Variants in GAD1 observed in about 807,000 individuals in gnomAD.
The protein encoded by GAD1 is glutamate decarboxylase 1.
GAD1 carries 35 observed loss-of-function variants against 75.2 expected under a neutral mutation model. The observed-to-expected ratio is 0.47, with a 90% CI of 0.36 to 0.62. The LOEUF (loss-of-function observed/expected upper bound fraction) is 0.62. Among genes scored for constraint, GAD1 ranks in the 20% least tolerant of loss-of-function variants. The probability of loss-of-function intolerance (pLI) is 0.00; values close to 1 mark genes in which losing one functional copy is unlikely to be tolerated. For synonymous variants in GAD1, 257 were observed against 271.9 expected, an observed-to-expected ratio of 0.95 and a Z score of 0.54; for missense variants, 490 against 758.5, an observed-to-expected ratio of 0.65 and a Z score of 4.16.
intron 6 of GAD1, among the ~76,000 whole-genome samples, chr2:170,840,765 A>G (rs1702500096): frequency 6.6e-6 from 1 of 152,190 alleles, no homozygotes; most frequent in Admixed American, 6.5e-5. Flanking sequence ...ATTTCCATAA[A>G]GCCTCTTTAG....
intron 16 of GAD1, 122 bp from the exon 17 acceptor site, chr2:170,859,587 A>G: frequency 1.0e-6 from 1 of 1,002,546 alleles, no homozygotes; most frequent in South Asian, 1.4e-5. Context: ...CTGGATATGA[A>G]ATATTTCTTT....
chr2:170,859,388 C>G (rs968349276), intron 16 of GAD1, among the ~76,000 whole-genome samples: 7 of 152,148 alleles, frequency 4.6e-5, no homozygotes, highest in African/African-American at 1.7e-4. Context: ...GTGTGCCAGG[C>G]AGTATCCTGG....
Position 170,849,173 on chromosome 2 carries a change from T to C in GAD1, c.1120-113T>C, listed in dbSNP as rs1040307485. The C allele has an allele frequency of 1.0e-5, 9 of 901,936 alleles. No individual in the cohort carries two copies. The African/African-American group carries it at 1.3e-4, about 13-fold the overall frequency. 55.9% of individuals were successfully genotyped at this position (901,936 alleles called of 1,614,324 possible). A position where few individuals can be genotyped will look rare whatever the true frequency, so the allele number is the denominator to read the frequency against. On this transcript the variant is annotated intron_variant, in intron 11 of 16. Transcript: ENST00000358196. ...GGGCTGAACTTTTCTGAGAAACTTATGTTTTTCACCTTGTACTTTCTTGCT... is the reference window on the plus strand; with the variant it reads ...GGGCTGAACTTTTCTGAGAAACTTACGTTTTTCACCTTGTACTTTCTTGCT...
chr2:170,856,645 C>T (rs1053364388), intron 14 of GAD1, among the ~76,000 whole-genome samples: 1 of 152,154 alleles, frequency 6.6e-6, no homozygotes, highest in African/African-American at 2.4e-5. Flanking sequence ...TGTCCAATTG[C>T]CATTAAAGTT....
intron 3 of GAD1, among the ~76,000 whole-genome samples, chr2:170,828,503 T>TCACC (rs1173499527): frequency 2.0e-5 from 2 of 97,652 alleles, no homozygotes; most frequent in South Asian, 4.1e-4. Context: ...CTGTCCTTGA[T>TCACC]CTCCTCCCTC....
intron 6 of GAD1, chr2:170,842,771 T>C: frequency 6.8e-7 from 1 of 1,475,810 alleles, no homozygotes; most frequent in Non-Finnish European, 9.0e-7. Context: ...CTGAGGATCC[T>C]TCAGGATCTT....
chr2:170,828,642 A>AC (rs1702117474), intron 3 of GAD1, among the ~76,000 whole-genome samples: 1 of 41,504 alleles, frequency 2.4e-5, no homozygotes, highest in Admixed American at 2.8e-4. Flanking sequence ...TGCTGTCCTC[A>AC]CCCTCCTCCC....
In GAD1 at chr2:170,818,602, C is replaced by T. The variant is rs1171048529; in HGVS notation, c.11C>T (p.Ser4Leu). 4.3e-6 allele frequency: 7 copies of T among 1,613,928 alleles called. No individual in the cohort carries two copies. The African/African-American group carries it at 6.7e-5, about 15-fold the overall frequency. MAS[S>L]TPSSSATSSN... is the part of the protein sequence containing the mutation. Reference sequence around the variant, plus strand: ...GGGACGACCGAGCTGATGGCGTCTTCGACCCCATCTTCGTCCGCAACCTCC... The same window carrying T: ...GGGACGACCGAGCTGATGGCGTCTTTGACCCCATCTTCGTCCGCAACCTCC... Residue 4 changes from serine to leucine, a missense_variant, in exon 2 of 17, where the codon TCG becomes TTG. Transcript: ENST00000358196. The surrounding 1 kb of genome is among the most constrained non-coding windows in gnomAD (Gnocchi z 5.9).
At chr2:170,858,144 T>C (rs1702891873) in intron 15 of GAD1, among the ~76,000 whole-genome samples, 1 of 152,094 alleles carries the variant, frequency 6.6e-6, no homozygotes, top group African/African-American at 2.4e-5. Flanking sequence ...AAACAACAAA[T>C]GTGATATCTC....
intron 5 of GAD1, among the ~76,000 whole-genome samples, chr2:170,833,126 C>G (rs3791859): frequency 0.17 from 26,190 of 152,254 alleles, 2,863 homozygotes; most frequent in Middle Eastern, 0.28. Flanking sequence ...CTTTATTTTC[C>G]CTCTCATTCT....
chr2:170,845,654 TG>T, intron 8 of GAD1, 33 bp downstream of exon 8: 1 of 1,608,030 alleles, frequency 6.2e-7, no homozygotes, highest in Non-Finnish European at 8.5e-7. Context: ...TGGATAGTGG[TG>T]TTTTTTAGGG....
intron 4 of GAD1, among the ~76,000 whole-genome samples, chr2:170,830,603 G>C (rs1438310286): frequency 6.6e-6 from 1 of 152,198 alleles, no homozygotes; most frequent in African/African-American, 2.4e-5. Context: ...GGACACACCT[G>C]GTCCCAGGGG....
At position 170,855,607 on chromosome 2, in the gene GAD1, G is replaced by A. The variant is rs1006336143; in HGVS notation, c.1414-1411G>A. Among the ~76,000 whole-genome samples the A allele has an allele frequency of 7.9e-5, 12 of 151,106 alleles. No individual in the cohort carries two copies. The Middle Eastern group carries it at 0.017, about 214-fold the overall frequency. ...AAATAGCCATAGGCTGGGCACGGTG[G>A]CTCACGCATGTAATCCCAGCACTTT... On this transcript the variant is annotated intron_variant, in intron 14 of 16. Coordinates refer to ENST00000358196, the MANE Select transcript of GAD1 (RefSeq NM_000817.3).
chr2:170,845,834 C>T, intron 9 of GAD1, 49 bp downstream of exon 9: 1 of 1,570,442 alleles, frequency 6.4e-7, no homozygotes, highest in South Asian at 1.1e-5. Context: ...TAAATGTGTT[C>T]ATCTGTTAAA....
At position 170,818,224 on chromosome 2, in the gene GAD1, C is replaced by A; in HGVS notation, c.-63-305C>A. 6.1e-6 allele frequency: 2 copies of A among 330,352 alleles called. No homozygotes were observed. The highest frequency in any genetic ancestry group is 1.2e-5 in the Non-Finnish European group (2 of 170,052). 20.5% of individuals were successfully genotyped at this position (330,352 alleles called of 1,614,324 possible). A position where few individuals can be genotyped will look rare whatever the true frequency, so the allele number is the denominator to read the frequency against. ...CCTTGCGTCTTGTACTGGCCTTGGA[C>A]CCCCACCCCGACCCCGACCCCGCCT... On this transcript the variant is annotated intron_variant, in intron 1 of 16. Transcript: ENST00000358196. The surrounding 1 kb of genome is among the most constrained non-coding windows in gnomAD (Gnocchi z 5.9).
chr2:170,840,699 T>TA (rs1702496960), intron 6 of GAD1, among the ~76,000 whole-genome samples: 1 of 133,622 alleles, frequency 7.5e-6, no homozygotes, highest in Admixed American at 7.4e-5. Flanking sequence ...AAAAGAGACA[T>TA]ACTCCTCTTT....
At chr2:170,859,164 G>A (rs897246401) in intron 16 of GAD1, among the ~76,000 whole-genome samples, 4 of 152,034 alleles carry the variant, frequency 2.6e-5, no homozygotes, top group African/African-American at 9.7e-5. Flanking sequence ...CCCTATGCAG[G>A]GTAAGGGAAT....
intron 3 of GAD1, among the ~76,000 whole-genome samples, chr2:170,826,892 C>T (rs1273784408): frequency 6.6e-6 from 1 of 152,164 alleles, no homozygotes; most frequent in African/African-American, 2.4e-5. Flanking sequence ...GATCCTGCAT[C>T]CCTCTGGCAA....
intron 11 of GAD1, among the ~76,000 whole-genome samples, chr2:170,847,996 T>C (rs1702670490): frequency 6.6e-6 from 1 of 152,206 alleles, no homozygotes. Flanking sequence ...TCCACTTCCT[T>C]ACTAGTCGAT....
Sources: allele counts gnomAD v4.1 joint callset (sites outside exome capture counted in the v4.1 genomes callset), GRCh38; gene constraint gnomAD v4.1.1; non-coding constraint Gnocchi (gnomAD v3.1); transcripts MANE v1.5; gene names NCBI Gene and HGNC (gene_info 2026-07-23, HGNC 2026-07-21).